STARD8: variants seen among roughly 807,000 people sequenced by gnomAD.
STARD8 encodes stAR-related lipid transfer protein 8.
STARD8 carries 25 observed loss-of-function variants against 69.4 expected under a neutral mutation model. The observed-to-expected ratio is 0.36, with a 90% CI of 0.26 to 0.50. The LOEUF is 0.50. STARD8 is among the 20% of genes least tolerant of loss of function. The pLI is 0.96. For missense variants in STARD8, 921 were observed against 932.5 expected (o/e 0.99, Z 0.16); for synonymous variants, 389 against 374.6 (o/e 1.04, Z -0.45).
At chrX:68,703,673 CA>C (rs1165409078) in intron 2 of STARD8, among the ~76,000 whole-genome samples, 1 of 112,107 alleles carries the variant, frequency 8.9e-6, no homozygotes, top group Non-Finnish European at 1.9e-5. Context: ...TTGGCCTGAG[CA>C]AAAGGAAAGG....
chrX:68,715,738 C>T (rs1427610564), intron 4 of STARD8, among the ~76,000 whole-genome samples: 1 of 111,635 alleles, frequency 9.0e-6, no homozygotes, highest in Non-Finnish European at 1.9e-5. Context: ...GTCTTGATAG[C>T]CCATCTCTCC....
At chrX:68,712,630 A>AG (rs1357104292) in intron 2 of STARD8, among the ~76,000 whole-genome samples, 1 of 111,156 alleles carries the variant, frequency 9.0e-6, no homozygotes, top group Non-Finnish European at 1.9e-5. Context: ...GTTCCTGGGC[A>AG]GGGGGTGGGA....
intron 1 of STARD8, among the ~76,000 whole-genome samples, chrX:68,664,503 G>C (rs1322834440): frequency 1.8e-5 from 2 of 111,654 alleles, no homozygotes; most frequent in African/African-American, 6.5e-5. Context: ...CTCATAATTT[G>C]GCCTTCGTTT....
chrX:68,715,431 C>A, intron 4 of STARD8, 56 bp downstream of exon 4: 1 of 1,051,059 alleles, frequency 9.5e-7, no homozygotes, highest in Non-Finnish European at 1.3e-6. Flanking sequence ...GAAGCTTCCT[C>A]GTGGAAAAAA....
intron 1 of STARD8, among the ~76,000 whole-genome samples, chrX:68,653,300 C>T (rs1602536118): frequency 1.8e-5 from 1 of 54,151 alleles, no homozygotes; most frequent in Admixed American, 2.4e-4. Flanking sequence ...ACACACCACA[C>T]ACACACCACA....
Position 68,721,586 on chromosome X carries a change from C to T in STARD8, c.2299C>T (p.Leu767Phe). The change falls in exon 10 of 15, where the codon CTC becomes TTC. Residue 767 changes from leucine (L) to phenylalanine (F), a missense_variant. By Grantham distance (22) the Leu-to-Phe change is conservative. Coordinates refer to ENST00000374599, the MANE Select transcript of STARD8 (RefSeq NM_001142503.3). ...LAAAQAATLL[L>F]PDENREVLQT... Reference sequence around the variant, plus strand: ...AGCAGCACAAGCCGCCACCTTGCTGCTCCCCGATGAGAACCGAGAGGTGCT... The same window carrying T: ...AGCAGCACAAGCCGCCACCTTGCTGTTCCCCGATGAGAACCGAGAGGTGCT... 3 of 1,212,104 alleles carry T rather than the reference C, an allele frequency of 2.5e-6. No individual in the cohort carries two copies. Among genetic ancestry groups the T allele is most frequent in the South Asian group, 1.8e-5 (1 of 56,988 alleles).
At chrX:68,689,245 G>A (rs1224153879) in intron 2 of STARD8, among the ~76,000 whole-genome samples, 3 of 104,379 alleles carry the variant, frequency 2.9e-5, no homozygotes, top group Admixed American at 1.0e-4. Flanking sequence ...CTCTGTCCAC[G>A]GTGACCCCAT....
chrX:68,676,765 C>T (rs763848722), intron 2 of STARD8, among the ~76,000 whole-genome samples: 29 of 111,025 alleles, frequency 2.6e-4, no homozygotes, highest in Non-Finnish European at 4.7e-4. Flanking sequence ...CAGAGTTAGC[C>T]GCTCTGAAAA....
In STARD8 at chrX:68,718,459, G is replaced by A; in HGVS notation, c.1545G>A (p.Val515=). ...CCACCTTTGCCTCTAGCCTGTCTGT[G>A]GAAGAAGGACACTCCATTTCTGACA... ...GEPTFASSLS[V]EEGHSISDTV... The change falls in exon 6 of 15, where the codon GTG becomes GTA. Residue 515 remains valine (V), a synonymous_variant. Transcript: ENST00000374599. The A allele has an allele frequency of 2.5e-6, 3 of 1,211,955 alleles. No individual in the cohort carries two copies. The highest frequency in any genetic ancestry group is 2.2e-6 in the Non-Finnish European group (2 of 895,500).
At chrX:68,699,609 T>C (rs6525255) in intron 2 of STARD8, among the ~76,000 whole-genome samples, 33,220 of 109,916 alleles carry the variant, frequency 0.3, 5,617 homozygotes, top group African/African-American at 0.64. Context: ...CTGCGCTCCT[T>C]CTCAGACCTG....
At chrX:68,669,768 C>G (rs189765712) in intron 2 of STARD8, among the ~76,000 whole-genome samples, 2 of 112,171 alleles carry the variant, frequency 1.8e-5, no homozygotes, top group East Asian at 2.8e-4. Context: ...TCTGAGGGGG[C>G]GGGGAGACAG....
chrX:68,716,311 G>A, intron 4 of STARD8, 57 bp from the exon 5 acceptor site: 1 of 1,121,442 alleles, frequency 8.9e-7, no homozygotes, highest in Non-Finnish European at 1.2e-6. Flanking sequence ...ATCTTGGTAG[G>A]CTCTGCCAGG....
At chrX:68,720,717 G>A (rs1003278730) in intron 8 of STARD8, among the ~76,000 whole-genome samples, 13 of 112,438 alleles carry the variant, frequency 1.2e-4, no homozygotes, top group Admixed American at 8.5e-4. Context: ...CTCCACAAAA[G>A]CATCTTTTTT....
At position 68,721,138 on chromosome X, in the gene STARD8, C is replaced by T. The variant is rs1363400368; in HGVS notation, c.2248+16C>T. ...ATCTACCAGCGTGAGTCGCCCACTC[C>T]TATCCCCAACAACCTGTCCCATTCT... On this transcript the variant is annotated intron_variant, in intron 9 of 14. Coordinates refer to ENST00000374599, the MANE Select transcript of STARD8 (RefSeq NM_001142503.3). 8.3e-7 allele frequency: 1 copy of T among 1,206,360 alleles called. No individual in the cohort carries two copies. Among genetic ancestry groups the T allele is most frequent in the Admixed American group, 2.2e-5 (1 of 46,002 alleles).
chrX:68,686,339 C>T (rs1409530728), intron 2 of STARD8, among the ~76,000 whole-genome samples: 1 of 112,569 alleles, frequency 8.9e-6, no homozygotes, highest in African/African-American at 3.2e-5. Context: ...CCCGCGGATT[C>T]GCTCAGTCCC....
At chrX:68,654,495 G>A (rs988955173) in intron 1 of STARD8, among the ~76,000 whole-genome samples, 4 of 111,474 alleles carry the variant, frequency 3.6e-5, no homozygotes, top group African/African-American at 1.3e-4. Context: ...GCCAACATGG[G>A]ATCCCATGCT....
At position 68,659,119 on chromosome X, in the gene STARD8, T is replaced by C. The variant is rs1043147092; in HGVS notation, c.46-6380T>C. ...TCTCTTCTCTAAGCCTCAGTTTCCT[T>C]ACCTACAACATGAGGAGAATATTCC... On this transcript the variant is annotated intron_variant, in intron 1 of 14. Coordinates refer to ENST00000374599, the MANE Select transcript of STARD8 (RefSeq NM_001142503.3). Among the ~76,000 whole-genome samples the C allele has an allele frequency of 3.6e-5, 4 of 112,144 alleles. No homozygotes were observed. The Admixed American group carries it at 3.8e-4, about 11-fold the overall frequency.
chrX:68,653,092 C>A (rs1602535012), intron 1 of STARD8, among the ~76,000 whole-genome samples: 1 of 43,363 alleles, frequency 2.3e-5, no homozygotes, highest in Non-Finnish European at 4.5e-5. Flanking sequence ...ACACCACACA[C>A]CACACACACC....
chrX:68,662,004 C>A lies in STARD8; in HGVS notation c.46-3495C>A, dbSNP rs754906147. Among the ~76,000 whole-genome samples the A allele has an allele frequency of 3.2e-3, 266 of 82,589 alleles. 4 individuals carry two copies. The highest frequency in any genetic ancestry group is 0.013 in the African/African-American group (258 of 20,454). 71.7% of individuals were successfully genotyped at this position (82,589 alleles called of 115,157 possible). A position where few individuals can be genotyped will look rare whatever the true frequency, so the allele number is the denominator to read the frequency against. The stretch of plus-strand genomic sequence containing the variant: ...TCTTTCTTTCTTTCTTTCTTTCTTT[C>A]TTTCTTTCTTTCTTTCTTTCTTTTT... On this transcript the variant is annotated intron_variant, in intron 1 of 14. Transcript: ENST00000374599.
Sources: allele counts gnomAD v4.1 joint callset (sites outside exome capture counted in the v4.1 genomes callset), GRCh38; gene constraint gnomAD v4.1.1; transcripts MANE v1.5; gene names NCBI Gene and HGNC (gene_info 2026-07-23, HGNC 2026-07-21).